The following SIGLECL1 variants were observed in gnomAD, a reference collection of about 807,000 sequenced individuals.
The protein encoded by SIGLECL1 is SIGLEC family like 1, also known as SIGLEC family-like protein 1.
Under a neutral mutation model 19.1 loss-of-function variants are expected in SIGLECL1, and 16 were observed. The ratio of observed to expected loss-of-function variants is 0.84; its 90% confidence interval spans 0.57 to 1.27. The LOEUF is 1.27. Among genes scored for constraint, SIGLECL1 ranks in the 50% most tolerant of loss-of-function variants. The pLI is 0.00. For missense variants in SIGLECL1, 210 were observed against 239.4 expected (o/e 0.88, Z 0.81); for synonymous variants, 89 against 90.4 (o/e 0.98, Z 0.09).
At chr19:51,247,325 A>G (rs977938292), upstream of SIGLECL1, among the ~76,000 whole-genome samples, 3 of 152,382 alleles carry the variant, frequency 2.0e-5, no homozygotes, top group Middle Eastern at 3.4e-3. Flanking sequence ...GAAACACTGA[A>G]CTAGAGCCTT....
At chr19:51,258,599 A>G (rs1982976501) in intron 1 of SIGLECL1, among the ~76,000 whole-genome samples, 2 of 152,210 alleles carry the variant, frequency 1.3e-5, no homozygotes, top group African/African-American at 2.4e-5. Flanking sequence ...TGCTGGCCCA[A>G]TCTTGGGCTC....
At chr19:51,255,720 G>C (rs1179211216) in intron 1 of SIGLECL1, among the ~76,000 whole-genome samples, 1 of 152,136 alleles carries the variant, frequency 6.6e-6, no homozygotes, top group Admixed American at 6.6e-5. Flanking sequence ...TCAGAGAAAT[G>C]CAAATTCAAA....
chr19:51,251,856 C>T (rs1354677616), intron 1 of SIGLECL1, among the ~76,000 whole-genome samples: 1 of 152,090 alleles, frequency 6.6e-6, no homozygotes, highest in Non-Finnish European at 1.5e-5. Flanking sequence ...CTTAGAAAGC[C>T]GAACACCTTT....
chr19:51,257,039 G>T lies in SIGLECL1; in HGVS notation c.-191+5494G>T, dbSNP rs1982853993. ...ACAAATGATCCAGTTTTCATTTAAAGATTGTGAAATATTTCAGACATATAG... is the reference window on the plus strand; with the variant it reads ...ACAAATGATCCAGTTTTCATTTAAATATTGTGAAATATTTCAGACATATAG... On this transcript the variant is annotated intron_variant, in intron 1 of 5. Transcript: ENST00000601727. Among the ~76,000 whole-genome samples the T allele has an allele frequency of 2.0e-5, 3 of 152,156 alleles. No homozygotes were observed. The South Asian group carries it at 6.2e-4, about 32-fold the overall frequency.
At chr19:51,256,924 T>C (rs905124850) in intron 1 of SIGLECL1, among the ~76,000 whole-genome samples, 4 of 152,220 alleles carry the variant, frequency 2.6e-5, no homozygotes, top group African/African-American at 7.2e-5. Context: ...TTTGTTTTAC[T>C]CATTCATGTA....
At chr19:51,264,943 A>T (rs1983526775) in intron 2 of SIGLECL1, among the ~76,000 whole-genome samples, 1 of 152,148 alleles carries the variant, frequency 6.6e-6, no homozygotes. Flanking sequence ...AAATATCCCG[A>T]TTTTCCAGGC....
chr19:51,254,746 ATATAC>A (rs1423736265), intron 1 of SIGLECL1, among the ~76,000 whole-genome samples: 1 of 152,174 alleles, frequency 6.6e-6, no homozygotes, highest in Admixed American at 6.5e-5. Flanking sequence ...ATCTTTATGA[ATATAC>A]TAAAACTCCT....
At position 51,254,071 on chromosome 19, in the gene SIGLECL1, C is replaced by T. The variant is rs139538944; in HGVS notation, c.-191+2526C>T. Among the ~76,000 whole-genome samples the T allele has an allele frequency of 1.5e-3, 236 of 152,274 alleles. 1 individual carries two copies. Among genetic ancestry groups the T allele is most frequent in the African/African-American group, 5.4e-3 (226 of 41,546 alleles). On this transcript the variant is annotated intron_variant, in intron 1 of 5. Coordinates refer to ENST00000601727, the MANE Select transcript of SIGLECL1 (RefSeq NM_001385465.1). The stretch of plus-strand genomic sequence containing the variant: ...CAGTGGCTCATGCCTGTAATCCTAG[C>T]ACTTTGGGAGGCTGAGGCGGGAGAA...
chr19:51,249,753 G>T (rs990829978), upstream of SIGLECL1, among the ~76,000 whole-genome samples: 22 of 152,192 alleles, frequency 1.4e-4, no homozygotes, highest in Non-Finnish European at 1.2e-4. Flanking sequence ...CCCAAGAGAG[G>T]ATTCTTGTAT....
At position 51,268,755 on chromosome 19, in the gene SIGLECL1, C is replaced by A; in HGVS notation, c.*158C>A. ...CAAAACCCTCTCAATTCCTACACAT[C>A]CCTTAACACTCATTCTCCATTGAAT... On this transcript the variant is annotated 3_prime_UTR_variant, in exon 6 of 6. Transcript: ENST00000601727. The A allele has an allele frequency of 1.6e-6, 1 of 643,972 alleles. No homozygotes were observed. Among genetic ancestry groups the A allele is most frequent in the Non-Finnish European group, 2.7e-6 (1 of 369,742 alleles). 39.9% of individuals were successfully genotyped at this position (643,972 alleles called of 1,614,324 possible). A position where few individuals can be genotyped will look rare whatever the true frequency, so the allele number is the denominator to read the frequency against.
upstream of SIGLECL1, among the ~76,000 whole-genome samples, chr19:51,246,726 G>A (rs537653947): frequency 1.3e-5 from 2 of 152,068 alleles, no homozygotes; most frequent in African/African-American, 2.4e-5. Flanking sequence ...ACCCGTTTAG[G>A]ATTAAACAAG....
At chr19:51,263,821 G>A (rs1215639865) in intron 1 of SIGLECL1, 62 bp from the exon 2 acceptor site, 6 of 410,260 alleles carry the variant, frequency 1.5e-5, no homozygotes, top group Non-Finnish European at 2.6e-5. Context: ...GACAATCTTA[G>A]TTGCCTCCCT....
chr19:51,265,910 C>T, intron 4 of SIGLECL1, 28 bp downstream of exon 4: 3 of 1,606,302 alleles, frequency 1.9e-6, no homozygotes, highest in Non-Finnish European at 2.6e-6. Flanking sequence ...TATTCACCCG[C>T]AAGCCTACTA....
intron 1 of SIGLECL1, among the ~76,000 whole-genome samples, chr19:51,252,069 CG>C (rs1328263255): frequency 1.3e-5 from 2 of 151,646 alleles, no homozygotes; most frequent in Non-Finnish European, 1.5e-5. Flanking sequence ...AGGCTGAGGC[CG>C]GGGATCACTT....
At chr19:51,262,729 A>C (rs1710369) in intron 1 of SIGLECL1, among the ~76,000 whole-genome samples, 85,223 of 151,914 alleles carry the variant, frequency 0.56, 24,291 homozygotes, top group Admixed American at 0.65. Context: ...AATTTATTCA[A>C]AAGAGAGTCC....
At chr19:51,261,140 G>A (rs915563647) in intron 1 of SIGLECL1, among the ~76,000 whole-genome samples, 8 of 152,066 alleles carry the variant, frequency 5.3e-5, no homozygotes, top group African/African-American at 1.9e-4. Context: ...TCCTGTTAAT[G>A]TCAGCTTATC....
At chr19:51,265,936 C>A (rs1599801572) in intron 4 of SIGLECL1, 54 bp downstream of exon 4, 4 of 1,574,474 alleles carry the variant, frequency 2.5e-6, no homozygotes, top group Non-Finnish European at 3.5e-6. Flanking sequence ...CAGGCCCTGG[C>A]TGCAGCCCTG....
chr19:51,267,990 A>T (rs1983802604), intron 5 of SIGLECL1, among the ~76,000 whole-genome samples: 1 of 152,130 alleles, frequency 6.6e-6, no homozygotes, highest in Admixed American at 6.6e-5. Flanking sequence ...GGCTTGGAAG[A>T]TACAGTGTCC....
In SIGLECL1 at chr19:51,265,385, A is replaced by G; in HGVS notation, c.40A>G (p.Asn14Asp). Residue 14 changes from asparagine to aspartate, a missense_variant, in exon 3 of 6, where the codon AAC becomes GAC. Coordinates refer to ENST00000601727, the MANE Select transcript of SIGLECL1 (RefSeq NM_001385465.1). ...CCCCACAGTACCTGCTAAGCTGCTC[A>G]ACTCCTCTTGCTCCTTGGAGAAGAC... ...LLQLVPAKLLNSSCSLEKTLQ... is the reference protein window; with the variant it reads ...LLQLVPAKLLDSSCSLEKTLQ... 6.2e-7 allele frequency: 1 copy of G among 1,611,930 alleles called. No homozygotes were observed.
Sources: allele counts gnomAD v4.1 joint callset (sites outside exome capture counted in the v4.1 genomes callset), GRCh38; gene constraint gnomAD v4.1.1; transcripts MANE v1.5; gene names NCBI Gene and HGNC (gene_info 2026-07-23, HGNC 2026-07-21).